ZNF385B: variants seen among roughly 807,000 people sequenced by gnomAD.
ZNF385B encodes the protein zinc finger protein 385B, also known as zinc finger protein 533.
Under a neutral mutation model 39.2 loss-of-function variants are expected in ZNF385B, and 23 were observed. That is an observed-to-expected ratio of 0.59 (90% confidence interval 0.42 to 0.83). ZNF385B has a LOEUF of 0.83. Ranked by LOEUF, ZNF385B falls within the 40% of genes least tolerant of loss-of-function variation. The pLI is 0.00. For missense variants in ZNF385B, 552 were observed against 598.9 expected, an observed-to-expected ratio of 0.92 and a Z score of 0.82; for synonymous variants, 205 against 222.6, an observed-to-expected ratio of 0.92 and a Z score of 0.70.
intron 3 of ZNF385B, among the ~76,000 whole-genome samples, chr2:179,621,473 T>C (rs1690210020): frequency 6.6e-6 from 1 of 152,180 alleles, no homozygotes; most frequent in African/African-American, 2.4e-5. Flanking sequence ...GGAGCCGTGA[T>C]TTGTAGCACT....
intron 1 of ZNF385B, among the ~76,000 whole-genome samples, chr2:179,845,272 T>G (rs1319411715): frequency 6.6e-6 from 1 of 152,156 alleles, no homozygotes; most frequent in South Asian, 2.1e-4. Context: ...ATGAGCTGAC[T>G]GGGTGCAATA....
intron 1 of ZNF385B, among the ~76,000 whole-genome samples, chr2:179,811,683 C>T (rs147321912): frequency 1.9e-3 from 283 of 151,944 alleles, no homozygotes; most frequent in African/African-American, 6.3e-3. Context: ...AGACCTCAAA[C>T]GATAAGAATC....
chr2:179,616,317 T>G (rs1389563584), intron 3 of ZNF385B, among the ~76,000 whole-genome samples: 1 of 152,160 alleles, frequency 6.6e-6, no homozygotes, highest in African/African-American at 2.4e-5. Context: ...TATGACAGTA[T>G]GTTTTATAGC....
intron 6 of ZNF385B, among the ~76,000 whole-genome samples, chr2:179,458,306 C>G (rs776005240): frequency 1.1e-4 from 16 of 152,162 alleles, no homozygotes; most frequent in Non-Finnish European, 1.8e-4. Context: ...AGTTTCCCTG[C>G]ACAAGCTCTC....
chr2:179,679,983 CCACTTTCTTTCT>C (rs1480723544), intron 3 of ZNF385B, among the ~76,000 whole-genome samples: 1 of 152,130 alleles, frequency 6.6e-6, no homozygotes, highest in Non-Finnish European at 1.5e-5. Flanking sequence ...ATAAATGGCT[CCACTTTCTTTCT>C]CACTTTCTTT....
chr2:179,579,870 T>C (rs538893336), intron 3 of ZNF385B, among the ~76,000 whole-genome samples: 20 of 152,204 alleles, frequency 1.3e-4, no homozygotes, highest in Non-Finnish European at 2.9e-4. Context: ...ATTATTTGCA[T>C]GTCACAGAGA....
intron 5 of ZNF385B, among the ~76,000 whole-genome samples, chr2:179,494,101 TA>T: frequency 6.6e-6 from 1 of 152,160 alleles, no homozygotes; most frequent in Admixed American, 6.5e-5. Context: ...GACTATGGTG[TA>T]ACGTGCCATT....
intron 3 of ZNF385B, among the ~76,000 whole-genome samples, chr2:179,636,142 GT>G (rs939490127): frequency 6.6e-5 from 10 of 152,290 alleles, no homozygotes; most frequent in African/African-American, 2.4e-4. Context: ...AAGTTTACAT[GT>G]TTGGTGGTTG....
intron 1 of ZNF385B, among the ~76,000 whole-genome samples, chr2:179,860,376 A>T (rs1006034738): frequency 2.0e-5 from 3 of 152,108 alleles, no homozygotes; most frequent in Admixed American, 6.5e-5. Flanking sequence ...CTAGGGAAGC[A>T]TCGTCCTGCC....
intron 4 of ZNF385B, among the ~76,000 whole-genome samples, chr2:179,526,616 G>GAAA (rs145973652): frequency 2.7e-5 from 4 of 150,936 alleles, no homozygotes; most frequent in South Asian, 2.1e-4. Context: ...GAGAAATAAA[G>GAAA]AAAAAAAAAT....
intron 3 of ZNF385B, among the ~76,000 whole-genome samples, chr2:179,668,033 C>G (rs1695403725): frequency 6.6e-6 from 1 of 152,172 alleles, no homozygotes; most frequent in African/African-American, 2.4e-5. Context: ...TTAGTTTTCT[C>G]CACAAGAAAA....
chr2:179,714,942 C>CAAAA (rs34449760), intron 3 of ZNF385B, among the ~76,000 whole-genome samples: 3,007 of 78,534 alleles, frequency 0.038, 291 homozygotes, highest in African/African-American at 0.045. Context: ...GATTCTATCT[C>CAAAA]AAAAAAAAAA....
intron 3 of ZNF385B, among the ~76,000 whole-genome samples, chr2:179,646,173 G>A (rs547019861): frequency 6.6e-6 from 1 of 152,324 alleles, no homozygotes; most frequent in South Asian, 2.1e-4. Context: ...CCAGCACTTT[G>A]GGAGGCCGAG....
intron 5 of ZNF385B, among the ~76,000 whole-genome samples, chr2:179,500,350 C>A (rs2056643221): frequency 6.6e-6 from 1 of 152,042 alleles, no homozygotes; most frequent in Non-Finnish European, 1.5e-5. Flanking sequence ...ATCACATTAT[C>A]TAACTTCAAA....
At chr2:179,508,860 G>C (rs1225836114) in intron 5 of ZNF385B, among the ~76,000 whole-genome samples, 1 of 151,730 alleles carries the variant, frequency 6.6e-6, no homozygotes, top group Non-Finnish European at 1.5e-5. Context: ...TTAAAGAAAA[G>C]CCAGAAAAAT....
At chr2:179,807,739 C>CA (rs1706452164) in intron 1 of ZNF385B, among the ~76,000 whole-genome samples, 2 of 151,702 alleles carry the variant, frequency 1.3e-5, no homozygotes, top group Admixed American at 1.3e-4. Flanking sequence ...ACTAAAAATA[C>CA]AAAAAATTAG....
chr2:179,845,057 G>C (rs1244903530), intron 1 of ZNF385B, among the ~76,000 whole-genome samples: 1 of 152,060 alleles, frequency 6.6e-6, no homozygotes, highest in East Asian at 1.9e-4. Context: ...ATACAAGACT[G>C]ATGCTCCAAT....
intron 3 of ZNF385B, among the ~76,000 whole-genome samples, chr2:179,640,550 G>A (rs531879796): frequency 1.3e-5 from 2 of 152,038 alleles, no homozygotes; most frequent in Non-Finnish European, 2.9e-5. Context: ...GAGTATATGG[G>A]TATTTTCTTG....
chr2:179,804,574 C>T (rs543624663), intron 1 of ZNF385B, among the ~76,000 whole-genome samples: 1 of 152,170 alleles, frequency 6.6e-6, no homozygotes, highest in Non-Finnish European at 1.5e-5. Context: ...TGACCATGTG[C>T]AAGTTATTTA....
Sources: gnomAD v4.1 joint callset for allele counts (sites outside exome capture counted in the v4.1 genomes callset) on GRCh38, gnomAD v4.1.1 for gene constraint, MANE v1.5 for transcripts, NCBI Gene and HGNC (gene_info 2026-07-23, HGNC 2026-07-21) for gene names.